Variants in CELF2 observed in about 807,000 individuals in gnomAD.
The protein encoded by CELF2 is CUGBP Elav-like family member 2.
CELF2 carries 8 observed loss-of-function variants against 62.6 expected under a neutral mutation model. The ratio of observed to expected loss-of-function variants is 0.13; its 90% CI spans 0.07 to 0.23. The LOEUF (loss-of-function observed/expected upper bound fraction) is 0.23, where lower values mean the gene tolerates loss of function less well. CELF2 is among the 10% of genes least tolerant of loss of function. The probability of loss-of-function intolerance (pLI) is 1.00; values close to 1 mark genes in which losing one functional copy is unlikely to be tolerated. For synonymous variants in CELF2, 258 were observed against 250.0 expected (o/e 1.03, Z -0.30); for missense variants, 333 against 671.0 (o/e 0.50, Z 5.56).
At chr10:10,602,395 A>G in the CELF2 span, among the ~76,000 whole-genome samples, 1 of 152,174 alleles carries the variant, frequency 6.6e-6, no homozygotes, top group Non-Finnish European at 1.5e-5. Flanking sequence ...ACTCATGTGT[A>G]GTCCCCCAAA....
At chr10:10,824,575 T>C (rs2057234286) in intron 1 of CELF2, among the ~76,000 whole-genome samples, 1 of 152,244 alleles carries the variant, frequency 6.6e-6, no homozygotes, top group Non-Finnish European at 1.5e-5. Flanking sequence ...ATAATAGTTA[T>C]GCACATTCTC....
chr10:10,598,164 C>T, the CELF2 span, among the ~76,000 whole-genome samples: 1 of 152,172 alleles, frequency 6.6e-6, no homozygotes, highest in African/African-American at 2.4e-5. Context: ...GAAAATATTT[C>T]ATTTCAAATC....
chr10:10,691,006 ATTT>A, the CELF2 span, among the ~76,000 whole-genome samples: 1 of 151,598 alleles, frequency 6.6e-6, no homozygotes, highest in Admixed American at 6.6e-5. Context: ...GATTATGGTG[ATTT>A]TTTTTTATTA....
At chr10:10,880,296 G>A (rs753460771) in intron 1 of CELF2, among the ~76,000 whole-genome samples, 7 of 152,166 alleles carry the variant, frequency 4.6e-5, no homozygotes, top group Non-Finnish European at 1.0e-4. Flanking sequence ...TCCCATGCCT[G>A]CTGTTAAGGG....
At chr10:10,562,601 G>C in the CELF2 span, among the ~76,000 whole-genome samples, 7 of 152,246 alleles carry the variant, frequency 4.6e-5, no homozygotes, top group Non-Finnish European at 2.9e-5. Flanking sequence ...CGACCTCACC[G>C]TGTCTCCCTT....
the CELF2 span, among the ~76,000 whole-genome samples, chr10:10,651,501 TC>T: frequency 8.2e-6 from 1 of 121,584 alleles, no homozygotes; most frequent in Non-Finnish European, 1.8e-5. Context: ...ACAGTGGTTC[TC>T]CCAGCACGCA....
In CELF2 at chr10:11,319,396, A is replaced by G. The variant is rs75010999; in HGVS notation, c.1097-1793A>G. On this transcript the variant is annotated intron_variant, in intron 10 of 12. Transcript: ENST00000633077. This position sits in a 1 kb window ranked among gnomAD's most constrained non-coding sequence, Gnocchi z 4.4. ...ATGACTCTCCAGCCCTCTGGTGGCC[A>G]TAGTAACAGGGACAGAGGGGAAGCA... Among the ~76,000 whole-genome samples the G allele has an allele frequency of 0.016, 2,490 of 152,272 alleles. 64 individuals carry two copies. The highest frequency in any genetic ancestry group is 0.057 in the African/African-American group (2,369 of 41,534).
intron 1 of CELF2, among the ~76,000 whole-genome samples, chr10:11,109,705 G>C (rs1274299921): frequency 6.6e-6 from 1 of 152,106 alleles, no homozygotes; most frequent in Non-Finnish European, 1.5e-5. Flanking sequence ...ATCTATTCCT[G>C]CCTATGAAAG....
At chr10:10,865,265 C>T (rs184935585) in intron 1 of CELF2, among the ~76,000 whole-genome samples, 3 of 152,216 alleles carry the variant, frequency 2.0e-5, no homozygotes, top group Non-Finnish European at 4.4e-5. Flanking sequence ...TCTGAAGCCA[C>T]CAGGATAAAA....
At chr10:11,014,201 C>G (rs972768820), upstream of CELF2, among the ~76,000 whole-genome samples, 1 of 152,108 alleles carries the variant, frequency 6.6e-6, no homozygotes, top group African/African-American at 2.4e-5. Context: ...TTTGTCATGA[C>G]GAGCCAGAAA....
intron 1 of CELF2, among the ~76,000 whole-genome samples, chr10:10,901,486 T>G (rs1289276233): frequency 6.6e-6 from 1 of 152,168 alleles, no homozygotes; most frequent in African/African-American, 2.4e-5. Context: ...CAAATAAACT[T>G]TAATCCTTAC....
intron 1 of CELF2, among the ~76,000 whole-genome samples, chr10:10,913,812 A>T (rs1376642123): frequency 6.9e-6 from 1 of 145,438 alleles, no homozygotes; most frequent in Non-Finnish European, 1.5e-5. Flanking sequence ...AAGGAGAGAG[A>T]GAAAGAAAGG....
the CELF2 span, among the ~76,000 whole-genome samples, chr10:10,676,742 G>A: frequency 6.6e-6 from 1 of 152,148 alleles, no homozygotes; most frequent in East Asian, 1.9e-4. Flanking sequence ...AGTTTGGAGG[G>A]CAGAGGTTTG....
At chr10:10,690,802 C>A in the CELF2 span, among the ~76,000 whole-genome samples, 1 of 152,162 alleles carries the variant, frequency 6.6e-6, no homozygotes, top group African/African-American at 2.4e-5. Context: ...ATCACTTGAA[C>A]TGGGGAGGCA....
chr10:10,529,509 C>A, the CELF2 span, among the ~76,000 whole-genome samples: 2 of 151,972 alleles, frequency 1.3e-5, no homozygotes, highest in South Asian at 2.1e-4. Flanking sequence ...ACATGGGGAA[C>A]CCCACCTCTA....
chr10:11,158,567 G>C (rs989664384), intron 1 of CELF2, among the ~76,000 whole-genome samples: 10 of 152,172 alleles, frequency 6.6e-5, no homozygotes, highest in African/African-American at 2.4e-4. Context: ...TCCCTTCCCA[G>C]GGAGGGTTAT....
chr10:11,072,215 T>C (rs980346101), intron 1 of CELF2, among the ~76,000 whole-genome samples: 9 of 152,224 alleles, frequency 5.9e-5, no homozygotes, highest in African/African-American at 2.2e-4. Flanking sequence ...AAGACACTAA[T>C]TTGAGAGAAT....
chr10:11,130,402 T>G (rs2131815312), intron 1 of CELF2, among the ~76,000 whole-genome samples: 1 of 152,344 alleles, frequency 6.6e-6, no homozygotes, highest in Admixed American at 6.5e-5. Flanking sequence ...AGTCTTCACA[T>G]GTTGCCCCTC....
the CELF2 span, among the ~76,000 whole-genome samples, chr10:10,600,715 A>G: frequency 1.3e-5 from 2 of 152,232 alleles, no homozygotes; most frequent in African/African-American, 4.8e-5. Flanking sequence ...TCAGTTTGTT[A>G]AAGACACGGA....
Sources: gnomAD v4.1 joint callset for allele counts (sites outside exome capture counted in the v4.1 genomes callset) on GRCh38, gnomAD v4.1.1 for gene constraint, Gnocchi (gnomAD v3.1) non-coding constraint, MANE v1.5 for transcripts, NCBI Gene and HGNC (gene_info 2026-07-23, HGNC 2026-07-21) for gene names.